The following DYNC2H1 variants were observed in gnomAD, a reference collection of about 807,000 sequenced individuals.
DYNC2H1 encodes cytoplasmic dynein 2 heavy chain 1.
DYNC2H1 carries 410 observed loss-of-function variants against 570.0 expected under a neutral mutation model. The observed-to-expected ratio is 0.72, with a 90% CI of 0.66 to 0.78. DYNC2H1 has a LOEUF of 0.78. DYNC2H1 is among the 30% of genes least tolerant of loss of function. The pLI is 0.00. For synonymous variants in DYNC2H1, 1,688 were observed against 1,677.6 expected (o/e 1.01, Z -0.15); for missense variants, 4,865 against 5,046.4 (o/e 0.96, Z 1.09).
chr11:103,476,119 C>A (rs1303925270), intron 88 of DYNC2H1, among the ~76,000 whole-genome samples: 4 of 152,132 alleles, frequency 2.6e-5, no homozygotes, highest in Non-Finnish European at 4.4e-5. Flanking sequence ...CTTTTAAGAT[C>A]GGCTAAGGAG....
At chr11:103,351,806 T>C (rs893745662) in intron 82 of DYNC2H1, among the ~76,000 whole-genome samples, 2 of 152,162 alleles carry the variant, frequency 1.3e-5, no homozygotes, top group Admixed American at 1.3e-4. Context: ...TGCCTCATTT[T>C]TCTAGTCTCT....
intron 83 of DYNC2H1, among the ~76,000 whole-genome samples, chr11:103,392,694 G>GA (rs1290623276): frequency 1.3e-5 from 2 of 151,766 alleles, no homozygotes; most frequent in Admixed American, 1.3e-4. Context: ...GCATTTCATG[G>GA]AAAAATATAC....
intron 83 of DYNC2H1, among the ~76,000 whole-genome samples, chr11:103,393,990 C>G (rs539914726): frequency 1.3e-5 from 2 of 152,114 alleles, no homozygotes; most frequent in Non-Finnish European, 2.9e-5. Context: ...GGGTCCCTCC[C>G]ACAACATATG....
In DYNC2H1 at chr11:103,189,537, C is replaced by T. The variant is rs1862211752; in HGVS notation, c.7293-135C>T. On this transcript the variant is annotated intron_variant, in intron 44 of 88. Coordinates refer to ENST00000375735, the MANE Select transcript of DYNC2H1 (RefSeq NM_001377.3). This position sits in a 1 kb window ranked among gnomAD's most constrained non-coding sequence, Gnocchi z 4.3. ...TCGGGGCGATGAGCCTAGTCTTAGC[C>T]CCCTGGGTAAGCTTTGGAGATATGT... is the stretch of plus-strand genomic sequence containing the variant. 2 of 798,276 alleles carry T rather than the reference C, an allele frequency of 2.5e-6. No homozygotes were observed. The highest frequency in any genetic ancestry group is 1.9e-5 in the South Asian group (1 of 51,376). The allele number at this position is 798,276 out of a possible 1,614,324, so 49.4% of individuals were successfully genotyped here. A position where few individuals can be genotyped will look rare whatever the true frequency, so the allele number is the denominator to read the frequency against.
rs1862058933 is a variant in DYNC2H1, at chr11:103,186,167, A to G, written c.6634-75A>G. On this transcript the variant is annotated intron_variant, in intron 41 of 88. Transcript: ENST00000375735. The surrounding 1 kb of genome is among the most constrained non-coding windows in gnomAD (Gnocchi z 4.5). ...AACTAAGATGATTTACTTTTGGGATATTTACTTGGAAGAATTTTAAAATGT... is the reference window on the plus strand; with the variant it reads ...AACTAAGATGATTTACTTTTGGGATGTTTACTTGGAAGAATTTTAAAATGT... 4.2e-6 allele frequency: 6 copies of G among 1,414,016 alleles called. No homozygotes were observed. The highest frequency in any genetic ancestry group is 5.7e-6 in the Non-Finnish European group (6 of 1,054,514). 87.6% of individuals were successfully genotyped at this position (1,414,016 alleles called of 1,614,324 possible). A position where few individuals can be genotyped will look rare whatever the true frequency, so the allele number is the denominator to read the frequency against.
At chr11:103,427,613 G>C (rs1271185082) in intron 84 of DYNC2H1, among the ~76,000 whole-genome samples, 5 of 152,090 alleles carry the variant, frequency 3.3e-5, no homozygotes, top group Non-Finnish European at 7.3e-5. Flanking sequence ...GGCAGATCTG[G>C]TGGTATCTGA....
Position 103,348,466 on chromosome 11 carries a change from T to G in DYNC2H1, c.12040-9777T>G, listed in dbSNP as rs185083604. Among the ~76,000 whole-genome samples, 29 of 152,222 alleles carry G rather than the reference T, an allele frequency of 1.9e-4. No homozygotes were observed. The East Asian group carries it at 5.0e-3, about 26-fold the overall frequency. On this transcript the variant is annotated intron_variant, in intron 82 of 88. Coordinates refer to ENST00000375735, the MANE Select transcript of DYNC2H1 (RefSeq NM_001377.3). ...ACTCCCTCCTCTTTCTTCTGCCCTA[T>G]TCCCAGGCAACCACTGATTTCTTTT... is the stretch of plus-strand genomic sequence containing the variant.
In DYNC2H1 at chr11:103,179,038, G is replaced by A. The variant is rs1443130864; in HGVS notation, c.6152G>A (p.Trp2051Ter). 6.2e-7 allele frequency: 1 copy of A among 1,608,216 alleles called. No homozygotes were observed. Among genetic ancestry groups the A allele is most frequent in the Admixed American group, 1.7e-5 (1 of 59,914 alleles). The change falls in exon 39 of 89, where the codon TGG becomes TAG. Residue 2051 changes from tryptophan to a stop codon, truncating the protein, a stop_gained. Coordinates refer to ENST00000375735, the MANE Select transcript of DYNC2H1 (RefSeq NM_001377.3). LOFTEE classifies it high-confidence loss of function. ...VVREPQDVSSWIICDGDIDPE... is the reference protein window; with the variant it reads ...VVREPQDVSS ...GATTTGAAAATAGATGTCAGCTCAT[G>A]GATAATCTGTGATGGTGATATTGAC... is the stretch of plus-strand genomic sequence containing the variant.
intron 82 of DYNC2H1, among the ~76,000 whole-genome samples, chr11:103,349,086 G>A (rs2566928): frequency 0.48 from 73,085 of 151,954 alleles, 19,432 homozygotes; most frequent in Admixed American, 0.59. Flanking sequence ...TTATAGCAGC[G>A]TGAGAATGGA....
chr11:103,156,835 AG>A lies in DYNC2H1; in HGVS notation c.4127+66del, dbSNP rs1451534003. ...TTTTTTAAATTAATTCATATTGTGA[AG>A]TGCTTAATACAGGCAAATTACTTTT... On this transcript the variant is annotated intron_variant, in intron 26 of 88. Transcript: ENST00000375735. 12 of 1,554,132 alleles carry A rather than the reference AG, an allele frequency of 7.7e-6. No individual in the cohort carries two copies. The Middle Eastern group carries it at 5.1e-4, about 66-fold the overall frequency.
chr11:103,203,027 T>G lies in DYNC2H1; in HGVS notation c.8198-636T>G, dbSNP rs1302859945. 6.6e-6 allele frequency among the ~76,000 whole-genome samples: 1 copy of G among 152,200 alleles called. No individual in the cohort carries two copies. The highest frequency in any genetic ancestry group is 2.4e-5 in the African/African-American group (1 of 41,470). Reference sequence around the variant, plus strand: ...CAAGTTCATCTTTTCATTCATTCATTTATGTAAAACATATTTTTGTTCTAG... The same window carrying G: ...CAAGTTCATCTTTTCATTCATTCATGTATGTAAAACATATTTTTGTTCTAG... On this transcript the variant is annotated intron_variant, in intron 50 of 88. Transcript: ENST00000375735. The surrounding 1 kb of genome is among the most constrained non-coding windows in gnomAD (Gnocchi z 4.7).
intron 70 of DYNC2H1, among the ~76,000 whole-genome samples, chr11:103,262,971 C>T (rs1465514599): frequency 8.3e-6 from 1 of 119,966 alleles, no homozygotes; most frequent in Admixed American, 1.1e-4. Context: ...CAGAGATACA[C>T]ATAGGCCCAA....
At chr11:103,240,370 A>T (rs1289934463) in intron 63 of DYNC2H1, among the ~76,000 whole-genome samples, 3 of 152,150 alleles carry the variant, frequency 2.0e-5, no homozygotes, top group Non-Finnish European at 4.4e-5. Context: ...TCATCTAATC[A>T]TATTGATAAC....
chr11:103,298,151 T>C (rs183293857), intron 75 of DYNC2H1, among the ~76,000 whole-genome samples: 18 of 152,244 alleles, frequency 1.2e-4, no homozygotes, highest in Admixed American at 1.2e-3. Context: ...TACCCTCAGA[T>C]CTTATCTCCT....
intron 24 of DYNC2H1, 81 bp from the exon 25 acceptor site, chr11:103,155,250 A>T: frequency 7.3e-7 from 1 of 1,370,260 alleles, no homozygotes; most frequent in East Asian, 2.7e-5. Context: ...TAATAAGCAT[A>T]AAAGTAAATA....
intron 80 of DYNC2H1, among the ~76,000 whole-genome samples, chr11:103,320,752 C>T (rs1215975879): frequency 1.3e-5 from 2 of 152,236 alleles, no homozygotes; most frequent in African/African-American, 2.4e-5. Context: ...GTGCCTCAGC[C>T]TCCCTATCCC....
intron 83 of DYNC2H1, among the ~76,000 whole-genome samples, chr11:103,365,722 C>CA (rs1940875951): frequency 6.6e-6 from 1 of 152,178 alleles, no homozygotes; most frequent in South Asian, 2.1e-4. Context: ...CTTTCCCCTT[C>CA]AAAAGGTTTG....
intron 55 of DYNC2H1, among the ~76,000 whole-genome samples, chr11:103,218,041 A>G (rs911020953): frequency 1.3e-5 from 2 of 152,188 alleles, no homozygotes; most frequent in African/African-American, 4.8e-5. Context: ...TAGAATGGGT[A>G]AAATAAAAAG....
Position 103,300,253 on chromosome 11 carries a change from A to G in DYNC2H1, c.11096-2840A>G, listed in dbSNP as rs1422558088. ...TTGTATTTGCATAAAATAAAAAACA[A>G]TAAAGGTTTCAGTTATTCGTTTGTC... On this transcript the variant is annotated intron_variant, in intron 75 of 88. Transcript: ENST00000375735. Among the ~76,000 whole-genome samples the G allele has an allele frequency of 2.0e-5, 3 of 152,054 alleles. No individual in the cohort carries two copies. The East Asian group carries it at 5.8e-4, about 29-fold the overall frequency.
Sources: allele counts gnomAD v4.1 joint callset (sites outside exome capture counted in the v4.1 genomes callset), GRCh38; gene constraint gnomAD v4.1.1; non-coding constraint Gnocchi (gnomAD v3.1); transcripts MANE v1.5; gene names NCBI Gene and HGNC (gene_info 2026-07-23, HGNC 2026-07-21).